The following FHIT variants were observed in gnomAD, a reference collection of about 807,000 sequenced individuals.
FHIT encodes fragile histidine triad diadenosine triphosphatase.
Under a neutral mutation model 17.9 loss-of-function variants are expected in FHIT, and 19 were observed. The ratio of observed to expected loss-of-function variants is 1.06; its 90% CI spans 0.74 to 1.56. FHIT has a LOEUF of 1.56. Ranked by LOEUF, FHIT falls within the 40% of genes most tolerant of loss-of-function variation. The probability of loss-of-function intolerance (pLI) is 0.00; values close to 1 mark genes in which losing one functional copy is unlikely to be tolerated. For synonymous variants in FHIT, 81 were observed against 69.7 expected, an observed-to-expected ratio of 1.16 and a Z score of -0.81; for missense variants, 248 against 189.2, an observed-to-expected ratio of 1.31 and a Z score of -1.82.
At chr3:59,880,033 T>C (rs566079902) in intron 8 of FHIT, among the ~76,000 whole-genome samples, 1 of 147,888 alleles carries the variant, frequency 6.8e-6, no homozygotes, top group Admixed American at 7.1e-5. Flanking sequence ...GAACACAAGA[T>C]AGAAAACTTC....
chr3:60,885,463 G>C (rs958641363), intron 3 of FHIT, among the ~76,000 whole-genome samples: 3 of 152,096 alleles, frequency 2.0e-5, no homozygotes, highest in African/African-American at 7.2e-5. Flanking sequence ...AATCTTATAA[G>C]AGAGTTTTTA....
chr3:60,582,561 T>A (rs370736538), intron 4 of FHIT, among the ~76,000 whole-genome samples: 1 of 152,180 alleles, frequency 6.6e-6, no homozygotes, highest in East Asian at 1.9e-4. Context: ...AAATATTGAC[T>A]AAGACTGTGG....
chr3:59,888,804 G>T (rs2106997715), intron 8 of FHIT, among the ~76,000 whole-genome samples: 1 of 152,242 alleles, frequency 6.6e-6, no homozygotes, highest in Non-Finnish European at 1.5e-5. Flanking sequence ...ACCTGAGACT[G>T]GAAGATTTAT....
intron 5 of FHIT, among the ~76,000 whole-genome samples, chr3:60,166,375 T>G (rs1387280381): frequency 2.0e-5 from 3 of 152,210 alleles, no homozygotes; most frequent in African/African-American, 7.2e-5. Flanking sequence ...AAGAACTGAA[T>G]GCATACTCAT....
chr3:60,166,673 T>G (rs1701189508), intron 5 of FHIT, among the ~76,000 whole-genome samples: 1 of 152,138 alleles, frequency 6.6e-6, no homozygotes, highest in Non-Finnish European at 1.5e-5. Flanking sequence ...ACATTATACG[T>G]TTAAAAATGT....
At chr3:60,412,482 CCT>C (rs1023382884) in intron 5 of FHIT, among the ~76,000 whole-genome samples, 35 of 151,968 alleles carry the variant, frequency 2.3e-4, no homozygotes, top group African/African-American at 8.0e-4. Context: ...TACGCATTTC[CCT>C]CTCTCTGCAG....
chr3:60,261,924 C>A (rs369034422), intron 5 of FHIT, among the ~76,000 whole-genome samples: 1 of 152,006 alleles, frequency 6.6e-6, no homozygotes. Flanking sequence ...AACAAACAGG[C>A]CTTCCCAAGT....
chr3:60,457,724 C>A (rs2032195953), intron 5 of FHIT, among the ~76,000 whole-genome samples: 2 of 147,464 alleles, frequency 1.4e-5, no homozygotes. Context: ...TGAACTCAAA[C>A]AAATTTACAA....
chr3:60,533,414 C>T (rs1431098539), intron 5 of FHIT, among the ~76,000 whole-genome samples: 1 of 152,176 alleles, frequency 6.6e-6, no homozygotes, highest in Non-Finnish European at 1.5e-5. Context: ...AAGAGCAGGT[C>T]TCGTCCATAG....
chr3:61,091,937 A>T (rs1438954839), intron 2 of FHIT, among the ~76,000 whole-genome samples: 2 of 62,086 alleles, frequency 3.2e-5, no homozygotes, highest in South Asian at 5.8e-4. Context: ...GACCTTGTCT[A>T]AAAAAAAAAA....
In FHIT at chr3:60,424,866, T is replaced by G. The variant is rs140193345; in HGVS notation, c.103+111994A>C. The stretch of plus-strand genomic sequence containing the variant: ...TTGTTTTCTTTATCTGTAGTGCATA[T>G]AGATGATCAAACAAAAATAACTGAT... On this transcript the variant is annotated intron_variant, in intron 5 of 9. Coordinates refer to ENST00000492590, the MANE Select transcript of FHIT (RefSeq NM_002012.4). Among the ~76,000 whole-genome samples, 743 of 152,270 alleles carry G rather than the reference T, an allele frequency of 4.9e-3. 8 individuals carry two copies. Among genetic ancestry groups the G allele is most frequent in the African/African-American group, 0.017 (708 of 41,574 alleles).
Position 60,701,145 on chromosome 3 carries a change from A to G in FHIT, c.-18+120774T>C, listed in dbSNP as rs2041236463. ...ACCCTTTTTTTTTTTTTTTTTTAAG[A>G]CAGGATCTCCCTTTGTTGTCCAGGC... On this transcript the variant is annotated intron_variant, in intron 4 of 9. Coordinates refer to ENST00000492590, the MANE Select transcript of FHIT (RefSeq NM_002012.4). Among the ~76,000 whole-genome samples, 3 of 144,908 alleles carry G rather than the reference A, an allele frequency of 2.1e-5. No homozygotes were observed. The South Asian group carries it at 6.5e-4, about 32-fold the overall frequency.
At chr3:60,391,215 A>G (rs13101214) in intron 5 of FHIT, among the ~76,000 whole-genome samples, 30 of 151,952 alleles carry the variant, frequency 2.0e-4, no homozygotes, top group African/African-American at 4.1e-4. Flanking sequence ...AAACAAACAA[A>G]CAAACAAAAA....
At chr3:60,426,403 C>A (rs904468946) in intron 5 of FHIT, among the ~76,000 whole-genome samples, 1 of 152,084 alleles carries the variant, frequency 6.6e-6, no homozygotes, top group Non-Finnish European at 1.5e-5. Flanking sequence ...CCCCTTCCCA[C>A]GAATTCCCTC....
chr3:60,990,170 C>T (rs1198282594), intron 3 of FHIT, among the ~76,000 whole-genome samples: 1 of 152,106 alleles, frequency 6.6e-6, no homozygotes, highest in Non-Finnish European at 1.5e-5. Context: ...ACAAAGTTTG[C>T]CTGGGGACCA....
chr3:61,115,030 T>C (rs564531347), intron 2 of FHIT, among the ~76,000 whole-genome samples: 1 of 152,318 alleles, frequency 6.6e-6, no homozygotes, highest in East Asian at 1.9e-4. Context: ...GTGGAGGATA[T>C]GCTAATATTT....
chr3:60,732,279 T>G, intron 4 of FHIT: 1 of 930,326 alleles, frequency 1.1e-6, no homozygotes, highest in Non-Finnish European at 1.8e-6. Context: ...ATCCAACCAC[T>G]GAGTCTTGGC....
intron 8 of FHIT, among the ~76,000 whole-genome samples, chr3:59,773,493 A>G (rs1702164876): frequency 6.6e-6 from 1 of 152,196 alleles, no homozygotes; most frequent in African/African-American, 2.4e-5. Flanking sequence ...CACTTAATCG[A>G]AAATGTTTTT....
chr3:60,762,128 G>A (rs370298097), intron 4 of FHIT, among the ~76,000 whole-genome samples: 18 of 152,298 alleles, frequency 1.2e-4, no homozygotes, highest in African/African-American at 4.1e-4. Context: ...CATAAATGAT[G>A]TAGCATCAGA....
Sources: gnomAD v4.1 joint callset for allele counts (sites outside exome capture counted in the v4.1 genomes callset) on GRCh38, gnomAD v4.1.1 for gene constraint, MANE v1.5 for transcripts, NCBI Gene and HGNC (gene_info 2026-07-23, HGNC 2026-07-21) for gene names.